Variants in TMEM232 observed in about 807,000 individuals in gnomAD.
TMEM232 encodes the protein transmembrane protein 232.
TMEM232 carries 80 observed loss-of-function variants against 78.8 expected under a neutral mutation model. The observed-to-expected ratio is 1.01, with a 90% CI of 0.85 to 1.22. The LOEUF is 1.22. Among genes scored for constraint, TMEM232 ranks in the 50% most tolerant of loss-of-function variants. The probability of loss-of-function intolerance (pLI) is 0.00; values close to 1 mark genes in which losing one functional copy is unlikely to be tolerated. For missense variants in TMEM232, 881 were observed against 742.2 expected, an observed-to-expected ratio of 1.19 and a Z score of -2.17; for synonymous variants, 297 against 254.3, an observed-to-expected ratio of 1.17 and a Z score of -1.60.
chr5:110,704,683 A>G (rs1252161741), intron 1 of TMEM232, among the ~76,000 whole-genome samples: 1 of 152,050 alleles, frequency 6.6e-6, no homozygotes, highest in Admixed American at 6.6e-5. Flanking sequence ...TTTTGTAACT[A>G]GCCCAGTGCT....
chr5:110,514,475 T>C (rs1362441522), intron 12 of TMEM232, among the ~76,000 whole-genome samples: 5 of 152,114 alleles, frequency 3.3e-5, no homozygotes, highest in African/African-American at 9.7e-5. Context: ...GGAACTGACA[T>C]GTCCAGGCTC....
intron 2 of TMEM232, among the ~76,000 whole-genome samples, chr5:110,654,664 G>A (rs1788786248): frequency 6.6e-6 from 1 of 152,160 alleles, no homozygotes; most frequent in South Asian, 2.1e-4. Context: ...CTTTAAAGTA[G>A]TTTTTTCCAA....
intron 2 of TMEM232, among the ~76,000 whole-genome samples, chr5:110,657,971 C>G (rs966249640): frequency 6.6e-6 from 1 of 152,040 alleles, no homozygotes; most frequent in African/African-American, 2.4e-5. Flanking sequence ...TATGGCTTCT[C>G]CTAAGTATCA....
intron 1 of TMEM232, among the ~76,000 whole-genome samples, chr5:110,705,396 C>T (rs1795826074): frequency 6.6e-6 from 1 of 151,984 alleles, no homozygotes; most frequent in African/African-American, 2.4e-5. Context: ...AGAAGGAATA[C>T]TCTTTCAGAA....
intron 7 of TMEM232, among the ~76,000 whole-genome samples, chr5:110,622,074 A>AT (rs1335758104): frequency 1.3e-5 from 2 of 152,148 alleles, no homozygotes; most frequent in African/African-American, 4.8e-5. Context: ...GATGATTGAC[A>AT]TTGCCATGAA....
intron 2 of TMEM232, among the ~76,000 whole-genome samples, chr5:110,646,090 A>G (rs1333900343): frequency 6.6e-6 from 1 of 151,680 alleles, no homozygotes; most frequent in Non-Finnish European, 1.5e-5. Flanking sequence ...CCTGTAAAAA[A>G]CAAAGAAGAC....
At chr5:110,445,273 T>C (rs1351190191) in intron 12 of TMEM232, among the ~76,000 whole-genome samples, 3 of 152,046 alleles carry the variant, frequency 2.0e-5, no homozygotes, top group Non-Finnish European at 2.9e-5. Flanking sequence ...TTTTAACAGC[T>C]TTGTTGAGCT....
At chr5:110,572,516 C>A (rs1452795836) in intron 10 of TMEM232, among the ~76,000 whole-genome samples, 2 of 151,956 alleles carry the variant, frequency 1.3e-5, no homozygotes, top group East Asian at 3.9e-4. Flanking sequence ...CACATACAAA[C>A]CACTTTCCTC....
Position 110,528,675 on chromosome 5 carries a change from T to C in TMEM232, c.1616A>G (p.Lys539Arg). Residue 539 changes from lysine to arginine, a missense_variant, in exon 12 of 14, where the codon AAG (lysine) becomes AGG (arginine). By Grantham distance (26) the Lys-to-Arg change is conservative (BLOSUM62 2). Transcript: ENST00000455884. ...PPIEAHFLPL[K>R]KPSIKKDQTK... is the part of the protein sequence containing the mutation. ...TTGATCCTTTTTTATTGATGGTTTC[T>C]TCAAAGGAAGAAAATGGGCCTCAAT... 6.5e-7 allele frequency: 1 copy of C among 1,535,368 alleles called. No homozygotes were observed. The highest frequency in any genetic ancestry group is 8.7e-7 in the Non-Finnish European group (1 of 1,146,510).
intron 1 of TMEM232, among the ~76,000 whole-genome samples, chr5:110,672,660 G>A (rs555784925): frequency 6.6e-6 from 1 of 151,972 alleles, no homozygotes; most frequent in African/African-American, 2.4e-5. Context: ...TAAACAAAAA[G>A]GTTCAAAATA....
chr5:110,447,313 A>G (rs1350551161), intron 12 of TMEM232, among the ~76,000 whole-genome samples: 2 of 152,124 alleles, frequency 1.3e-5, no homozygotes, highest in Non-Finnish European at 2.9e-5. Context: ...ATTCCTGCAC[A>G]GCCACATTGC....
chr5:110,632,240 G>GA (rs112545875), intron 5 of TMEM232, among the ~76,000 whole-genome samples: 6,435 of 151,584 alleles, frequency 0.042, 444 homozygotes, highest in African/African-American at 0.15. Flanking sequence ...ACATTTTCAG[G>GA]AAAAAATCCT....
chr5:110,478,260 TA>T (rs1368038527), intron 12 of TMEM232, among the ~76,000 whole-genome samples: 2 of 151,956 alleles, frequency 1.3e-5, no homozygotes, highest in African/African-American at 2.4e-5. Context: ...AATGAAATAT[TA>T]AAAAGATAAA....
intron 1 of TMEM232, among the ~76,000 whole-genome samples, chr5:110,709,247 G>A (rs1481448638): frequency 6.6e-6 from 1 of 152,098 alleles, no homozygotes; most frequent in Non-Finnish European, 1.5e-5. Context: ...AATGTTATTA[G>A]AGCTAAAGAG....
At chr5:110,603,550 G>A (rs950216153) in intron 10 of TMEM232, among the ~76,000 whole-genome samples, 6 of 152,142 alleles carry the variant, frequency 3.9e-5, no homozygotes, top group Non-Finnish European at 4.4e-5. Context: ...AATTGTAGAT[G>A]AGTCTGTTTA....
At chr5:110,456,887 A>G (rs912073981) in intron 12 of TMEM232, among the ~76,000 whole-genome samples, 3 of 152,150 alleles carry the variant, frequency 2.0e-5, no homozygotes, top group African/African-American at 7.2e-5. Flanking sequence ...CTAAAACTAG[A>G]TCATAGACTT....
At position 110,726,288 on chromosome 5, in the gene TMEM232, G is replaced by A. The variant is rs373406051; in HGVS notation, c.-13+339C>T. On this transcript the variant is annotated intron_variant, in intron 1 of 13. Coordinates refer to ENST00000455884, the MANE Select transcript of TMEM232 (RefSeq NM_001039763.4). The stretch of plus-strand genomic sequence containing the variant: ...TCTTCTGAATTCAAGGTTGCCCCAG[G>A]ATAAGCGAGTCCAGGGGAGATTAAA... 6.2e-4 allele frequency among the ~76,000 whole-genome samples: 94 copies of A among 152,234 alleles called. 1 individual carries two copies. In the South Asian group the frequency reaches 0.017, roughly 28 times the overall value.
At chr5:110,716,722 T>A (rs1345693605) in intron 1 of TMEM232, among the ~76,000 whole-genome samples, 1 of 152,146 alleles carries the variant, frequency 6.6e-6, no homozygotes, top group Non-Finnish European at 1.5e-5. Flanking sequence ...TGGCCAGGGT[T>A]ATGGGGATCC....
At chr5:110,512,543 A>G (rs1278311452) in intron 12 of TMEM232, among the ~76,000 whole-genome samples, 1 of 152,210 alleles carries the variant, frequency 6.6e-6, no homozygotes, top group African/African-American at 2.4e-5. Flanking sequence ...AATCCATAGC[A>G]AGAGACCACT....
Sources: allele counts gnomAD v4.1 joint callset (sites outside exome capture counted in the v4.1 genomes callset), GRCh38; gene constraint gnomAD v4.1.1; transcripts MANE v1.5; gene names NCBI Gene and HGNC (gene_info 2026-07-23, HGNC 2026-07-21).